Variants in GPD2 observed in about 807,000 individuals in gnomAD.
GPD2 encodes the protein glycerol-3-phosphate dehydrogenase, mitochondrial.
A neutral mutation model predicts 82.4 loss-of-function variants in GPD2; 54 were observed. The observed-to-expected ratio is 0.66, with a 90% CI of 0.53 to 0.82. GPD2 has a LOEUF of 0.82. Among genes scored for constraint, GPD2 ranks in the 40% least tolerant of loss-of-function variants. The pLI is 0.00. For synonymous variants in GPD2, 288 were observed against 306.1 expected (o/e 0.94, Z 0.62); for missense variants, 748 against 896.2 (o/e 0.83, Z 2.11).
At chr2:156,563,434 C>T (rs1046144273) in intron 9 of GPD2, among the ~76,000 whole-genome samples, 9 of 152,142 alleles carry the variant, frequency 5.9e-5, no homozygotes, top group Non-Finnish European at 1.3e-4. Flanking sequence ...ATTTTCTTCA[C>T]ATGTTATACC....
chr2:156,569,367 A>T lies in GPD2; in HGVS notation c.1305A>T (p.Gly435=). ...SESGLITIAG[G]KWTTYRSMAE... is the part of the protein sequence containing the mutation. Reference sequence around the variant, plus strand: ...TGTCTATCAATTTCTTTATAGGTGGAAAGTGGACAACTTATCGGTCTATGG... The same window carrying T: ...TGTCTATCAATTTCTTTATAGGTGGTAAGTGGACAACTTATCGGTCTATGG... The change falls in exon 11 of 17, where the codon GGA becomes GGT. Residue 435 remains glycine (G), a synonymous_variant. Coordinates refer to ENST00000438166, the MANE Select transcript of GPD2 (RefSeq NM_000408.5). The T allele has an allele frequency of 6.2e-7, 1 of 1,605,096 alleles. No homozygotes were observed. The highest frequency in any genetic ancestry group is 8.5e-7 in the Non-Finnish European group (1 of 1,171,990).
intron 6 of GPD2, among the ~76,000 whole-genome samples, chr2:156,530,307 T>TGAAGTTGC (rs1553473931): frequency 1.2e-5 from 1 of 83,494 alleles, no homozygotes; most frequent in African/African-American, 4.1e-5. Flanking sequence ...GAGACTTTGC[T>TGAAGTTGC]TATCAGCTTA....
intron 6 of GPD2, among the ~76,000 whole-genome samples, chr2:156,515,176 G>A (rs1685153925): frequency 6.6e-6 from 1 of 152,024 alleles, no homozygotes; most frequent in Admixed American, 6.6e-5. Context: ...ACTTTAAGAG[G>A]CCAAGGCAGC....
intron 6 of GPD2, among the ~76,000 whole-genome samples, chr2:156,532,679 G>A (rs1685912548): frequency 6.6e-6 from 1 of 152,146 alleles, no homozygotes; most frequent in Admixed American, 6.5e-5. Flanking sequence ...TTACTGGAGG[G>A]CACTGCCACC....
intron 1 of GPD2, among the ~76,000 whole-genome samples, chr2:156,455,853 A>AG (rs1360884575): frequency 2.6e-5 from 4 of 152,250 alleles, no homozygotes; most frequent in Non-Finnish European, 5.9e-5. Context: ...CTAATACAGT[A>AG]GGTGCCCACA....
At chr2:156,542,867 A>G (rs1686375955) in intron 6 of GPD2, among the ~76,000 whole-genome samples, 1 of 152,074 alleles carries the variant, frequency 6.6e-6, no homozygotes, top group Non-Finnish European at 1.5e-5. Context: ...CATTATTGCA[A>G]TAACAATGTT....
rs143849845 is a variant in GPD2 at position 156,495,006 on chromosome 2, C to T, written c.103-1038C>T. Among the ~76,000 whole-genome samples, 439 of 152,184 alleles carry T rather than the reference C, an allele frequency of 2.9e-3. 1 individual carries two copies. Among genetic ancestry groups the T allele is most frequent in the African/African-American group, 0.01 (417 of 41,504 alleles). On this transcript the variant is annotated intron_variant, in intron 2 of 16. Coordinates refer to ENST00000438166, the MANE Select transcript of GPD2 (RefSeq NM_000408.5). ...GGAAGGTCATTATTTTTTAGGAGGACTATGTCAGGGCCTTTAATTATATTA... is the reference window on the plus strand; with the variant it reads ...GGAAGGTCATTATTTTTTAGGAGGATTATGTCAGGGCCTTTAATTATATTA...
chr2:156,406,441 C>G, the GPD2 span, among the ~76,000 whole-genome samples: 2 of 152,140 alleles, frequency 1.3e-5, no homozygotes, highest in Admixed American at 1.3e-4. Flanking sequence ...CTTATTCTCC[C>G]TCCTCATGCC....
At chr2:156,465,829 A>G (rs1331067742) in intron 1 of GPD2, among the ~76,000 whole-genome samples, 2 of 152,218 alleles carry the variant, frequency 1.3e-5, no homozygotes, top group Non-Finnish European at 2.9e-5. Context: ...CTGTTTGACT[A>G]ATGAACTTCT....
rs1558967224 is a variant in GPD2 at position 156,570,114 on chromosome 2, G to GGTGA, written c.1505_1508dup (p.Asp503GlufsTer2). The GGTGA allele has an allele frequency of 1.2e-6, 2 of 1,611,760 alleles. No individual in the cohort carries two copies. The highest frequency in any genetic ancestry group is 1.7e-6 in the Non-Finnish European group (2 of 1,179,086). The stretch of plus-strand genomic sequence containing the variant: ...GGCACAGCATCTTGCCGCCACCTAT[G>GGTGA]GTGATAAGGCCTTTGAGGTGGCCAA... On this transcript the variant is annotated frameshift_variant, in exon 12 of 17. Coordinates refer to ENST00000438166, the MANE Select transcript of GPD2 (RefSeq NM_000408.5). LOFTEE classifies it high-confidence loss of function.
At chr2:156,545,001 G>C (rs986876371) in intron 6 of GPD2, among the ~76,000 whole-genome samples, 1 of 152,066 alleles carries the variant, frequency 6.6e-6, no homozygotes, top group Non-Finnish European at 1.5e-5. Flanking sequence ...ATGAAGAGTG[G>C]GTTCTTATTT....
chr2:156,451,665 C>T (rs1682592592), intron 1 of GPD2, among the ~76,000 whole-genome samples: 1 of 143,566 alleles, frequency 7.0e-6, no homozygotes, highest in Non-Finnish European at 1.6e-5. Flanking sequence ...CCCCTCACCT[C>T]CCGGACGGGG....
intron 2 of GPD2, among the ~76,000 whole-genome samples, chr2:156,489,197 C>G (rs1684059246): frequency 6.6e-6 from 1 of 152,322 alleles, no homozygotes; most frequent in South Asian, 2.1e-4. Flanking sequence ...GTGCACAAGC[C>G]TTGCCTAAGG....
rs1346514713 is a variant in GPD2, at chr2:156,569,524, G to C, written c.1462G>C (p.Gly488Arg). The part of the protein sequence containing the change: ...TLYIRLVQDY[G>R]LESEVAQHLA... ...CTACATTAGGCTTGTGCAGGATTAT[G>C]GACTTGAAAGCGAGGTGAGTGTGCA... Residue 488 changes from glycine to arginine, a missense_variant, in exon 11 of 17, where the codon GGA (glycine) becomes CGA (arginine). By Grantham distance (125) the Gly-to-Arg change is moderately radical. This residue lies in a region of GPD2 where 692 missense variants were observed against 809.7 expected (regional missense o/e 0.85). Transcript: ENST00000438166. 1.9e-6 allele frequency: 3 copies of C among 1,612,578 alleles called. No homozygotes were observed. The highest frequency in any genetic ancestry group is 1.1e-5 in the South Asian group (1 of 91,058).
chr2:156,570,331 TA>T, intron 12 of GPD2, 113 bp downstream of exon 12: 2 of 910,320 alleles, frequency 2.2e-6, no homozygotes, highest in Non-Finnish European at 1.8e-6. Context: ...ATATGTCAGC[TA>T]AAACCAGGAC....
chr2:156,573,528 T>C (rs1176404853), intron 13 of GPD2, among the ~76,000 whole-genome samples: 1 of 152,154 alleles, frequency 6.6e-6, no homozygotes, highest in Non-Finnish European at 1.5e-5. Context: ...CGGAATGATT[T>C]GAATATGCAG....
chr2:156,566,132 T>C (rs1687380790), intron 9 of GPD2, among the ~76,000 whole-genome samples: 1 of 152,116 alleles, frequency 6.6e-6, no homozygotes, highest in African/African-American at 2.4e-5. Flanking sequence ...ATATTCTATG[T>C]AAAATATTTC....
chr2:156,454,085 A>G (rs1682709834), intron 1 of GPD2, among the ~76,000 whole-genome samples: 2 of 152,148 alleles, frequency 1.3e-5, no homozygotes, highest in Admixed American at 1.3e-4. Flanking sequence ...AGAAATTGGA[A>G]GGTGAGCTGG....
chr2:156,458,216 C>T (rs1682853327), intron 1 of GPD2, among the ~76,000 whole-genome samples: 1 of 152,168 alleles, frequency 6.6e-6, no homozygotes, highest in Admixed American at 6.5e-5. Flanking sequence ...TGGTCTGTCT[C>T]TTCTCTGTGC....
Sources: allele counts gnomAD v4.1 joint callset (sites outside exome capture counted in the v4.1 genomes callset), GRCh38; gene constraint gnomAD v4.1.1; regional missense constraint gnomAD v4.1.1; transcripts MANE v1.5; gene names NCBI Gene and HGNC (gene_info 2026-07-23, HGNC 2026-07-21).